ABCC1: variants seen among roughly 807,000 people sequenced by gnomAD.
ABCC1 encodes multidrug resistance-associated protein 1.
In ABCC1, 83 loss-of-function variants were observed where a neutral mutation model predicts 172.9. The observed-to-expected ratio is 0.48, with a 90% CI of 0.40 to 0.58. The LOEUF (loss-of-function observed/expected upper bound fraction) is 0.58, where lower values mean the gene tolerates loss of function less well. Among genes scored for constraint, ABCC1 ranks in the 20% least tolerant of loss-of-function variants. The probability of loss-of-function intolerance (pLI) is 0.00; values close to 1 mark genes in which losing one functional copy is unlikely to be tolerated. For synonymous variants in ABCC1, 937 were observed against 825.2 expected, an observed-to-expected ratio of 1.14 and a Z score of -2.32; for missense variants, 1,817 against 2,002.7, an observed-to-expected ratio of 0.91 and a Z score of 1.77.
intron 10 of ABCC1, 124 bp from the exon 11 acceptor site, chr16:16,052,600 G>T: frequency 1.2e-6 from 1 of 819,486 alleles, no homozygotes; most frequent in South Asian, 1.6e-5. Flanking sequence ...TGGGGTAAAA[G>T]TAACACACCT....
At chr16:16,107,471 G>C (rs1174081218) in intron 21 of ABCC1, among the ~76,000 whole-genome samples, 1 of 152,062 alleles carries the variant, frequency 6.6e-6, no homozygotes, top group Non-Finnish European at 1.5e-5. Flanking sequence ...TGTATTTTTA[G>C]TAGAGACAGG....
intron 30 of ABCC1, among the ~76,000 whole-genome samples, chr16:16,139,119 C>T (rs45455291): frequency 0.02 from 2,981 of 152,256 alleles, 36 homozygotes; most frequent in South Asian, 0.035. Context: ...TCCCTGCCTC[C>T]AGGACCAAGT....
chr16:16,077,102 G>A (rs952669233), intron 15 of ABCC1, among the ~76,000 whole-genome samples: 2 of 152,090 alleles, frequency 1.3e-5, no homozygotes, highest in Non-Finnish European at 2.9e-5. Flanking sequence ...TTATCCCCAG[G>A]CAACTTGTCA....
At chr16:16,096,143 A>G (rs949963492) in intron 19 of ABCC1, among the ~76,000 whole-genome samples, 1 of 151,748 alleles carries the variant, frequency 6.6e-6, no homozygotes, top group African/African-American at 2.4e-5. Flanking sequence ...GCAGGAGAAT[A>G]GCGTGAATCC....
intron 12 of ABCC1, among the ~76,000 whole-genome samples, chr16:16,057,366 TAAAAA>T (rs747489467): frequency 7.5e-6 from 1 of 133,130 alleles, no homozygotes; most frequent in African/African-American, 2.8e-5. Flanking sequence ...CTCAAAAAAG[TAAAAA>T]AAAAAAAAAA....
At chr16:16,043,243 T>TTTTTTTTTTCCC (rs1021835519) in intron 7 of ABCC1, among the ~76,000 whole-genome samples, 3 of 140,788 alleles carry the variant, frequency 2.1e-5, no homozygotes, top group South Asian at 2.2e-4. Context: ...TTTTTTTTTT[T>TTTTTTTTTTCCC]CCACTGATGT....
Position 15,954,365 on chromosome 16 carries a change from C to A in ABCC1, c.48+4566C>A, listed in dbSNP as rs1364702439. On this transcript the variant is annotated intron_variant, in intron 1 of 30. Coordinates refer to ENST00000399410, the MANE Select transcript of ABCC1 (RefSeq NM_004996.4). ...CTTTTTGGCTGCCCCTCCTTCCAGA[C>A]CCTTCCTCTCTCCCTTCCTTATGGA... 2.0e-5 allele frequency among the ~76,000 whole-genome samples: 3 copies of A among 152,200 alleles called. No individual in the cohort carries two copies. The South Asian group carries it at 6.2e-4, about 32-fold the overall frequency.
At chr16:16,087,029 C>T (rs1474975440) in intron 18 of ABCC1, 38 bp downstream of exon 18, 1 of 1,611,504 alleles carries the variant, frequency 6.2e-7, no homozygotes, top group Non-Finnish European at 8.5e-7. Context: ...GTTGGGCCGT[C>T]TCGCCCTTTG....
intron 16 of ABCC1, among the ~76,000 whole-genome samples, chr16:16,080,148 CT>C (rs994342206): frequency 1.3e-5 from 2 of 152,114 alleles, no homozygotes; most frequent in African/African-American, 2.4e-5. Context: ...CGAAGACTCC[CT>C]GGTACGCAGC....
intron 19 of ABCC1, chr16:16,095,300 C>T (rs1288901732): frequency 6.6e-6 from 1 of 152,206 alleles, no homozygotes; most frequent in African/African-American, 2.4e-5. Flanking sequence ...GAAGGTAAAA[C>T]ACATCTTCAT....
chr16:16,049,327 A>C (rs2151893714), intron 10 of ABCC1, among the ~76,000 whole-genome samples: 1 of 152,314 alleles, frequency 6.6e-6, no homozygotes, highest in East Asian at 1.9e-4. Flanking sequence ...ACTGTGGCCC[A>C]GGAGGCAGAG....
At chr16:16,126,889 C>A (rs7201361) in intron 26 of ABCC1, among the ~76,000 whole-genome samples, 145,434 of 152,226 alleles carry the variant, frequency 0.96, 69,837 homozygotes, top group Middle Eastern at 1. Context: ...GAAACCCTGC[C>A]GTTATTGAAC....
At chr16:16,052,115 G>A (rs1162785318) in intron 10 of ABCC1, among the ~76,000 whole-genome samples, 7 of 152,110 alleles carry the variant, frequency 4.6e-5, no homozygotes, top group Admixed American at 2.6e-4. Flanking sequence ...TGTAGTCACA[G>A]CTACTTGGGA....
At chr16:16,137,885 GAC>G (rs2045976477) in intron 29 of ABCC1, among the ~76,000 whole-genome samples, 2 of 150,812 alleles carry the variant, frequency 1.3e-5, no homozygotes, top group Admixed American at 6.6e-5. Flanking sequence ...TTTTTTAAGA[GAC>G]AGTGTCTCAC....
chr16:16,103,557 G>A (rs973004129), intron 20 of ABCC1, among the ~76,000 whole-genome samples: 2 of 152,172 alleles, frequency 1.3e-5, no homozygotes, highest in Admixed American at 1.3e-4. Flanking sequence ...TCCAGCCTGG[G>A]TGACAGAGCG....
At chr16:16,117,448 G>A (rs2044941300) in intron 23 of ABCC1, among the ~76,000 whole-genome samples, 1 of 152,166 alleles carries the variant, frequency 6.6e-6, no homozygotes, top group South Asian at 2.1e-4. Flanking sequence ...TGAAATTTGG[G>A]TGGGGACACA....
In ABCC1 at chr16:16,141,197, A is replaced by G. The variant is rs910816343; in HGVS notation, c.4512A>G (p.Glu1504=). 1 of 1,613,924 alleles carries G rather than the reference A, an allele frequency of 6.2e-7. No homozygotes were observed. Among genetic ancestry groups the G allele is most frequent in the East Asian group, 2.2e-5 (1 of 44,876 alleles). ...GGGTGATCGTCTTGGACAAAGGAGA[A>G]ATCCAGGAGTACGGCGCCCCATCGG... ...YTRVIVLDKG[E]IQEYGAPSDL... Residue 1504 remains glutamate (E), a synonymous_variant, in exon 31 of 31, where the codon GAA becomes GAG. Transcript: ENST00000399410.
chr16:15,998,154 C>T (rs2047123171), intron 1 of ABCC1, among the ~76,000 whole-genome samples: 1 of 100,542 alleles, frequency 9.9e-6, no homozygotes, highest in Admixed American at 1.0e-4. Flanking sequence ...CAGTCTCTTA[C>T]TCTGTCACCC....
chr16:16,139,004 C>T (rs1291660723), intron 30 of ABCC1, among the ~76,000 whole-genome samples: 1 of 152,206 alleles, frequency 6.6e-6, no homozygotes, highest in Non-Finnish European at 1.5e-5. Context: ...ACCGCTGTGC[C>T]CAGTGGTACC....
Sources: allele counts gnomAD v4.1 joint callset (sites outside exome capture counted in the v4.1 genomes callset), GRCh38; gene constraint gnomAD v4.1.1; transcripts MANE v1.5; gene names NCBI Gene and HGNC (gene_info 2026-07-23, HGNC 2026-07-21).